Variants in HTR2A observed in about 807,000 individuals in gnomAD.
HTR2A encodes 5-HT2 receptor.
Under a neutral mutation model 31.0 loss-of-function variants are expected in HTR2A, and 14 were observed. The ratio of observed to expected loss-of-function variants is 0.45; its 90% CI spans 0.30 to 0.71. The LOEUF is 0.71. Ranked by LOEUF, HTR2A falls within the 30% of genes least tolerant of loss-of-function variation. The probability of loss-of-function intolerance (pLI) is 0.09; values close to 1 mark genes in which losing one functional copy is unlikely to be tolerated. For synonymous variants in HTR2A, 209 were observed against 225.2 expected (o/e 0.93, Z 0.64); for missense variants, 442 against 573.3 (o/e 0.77, Z 2.34).
At chr13:46,865,712 G>T (rs565825312) in intron 3 of HTR2A, among the ~76,000 whole-genome samples, 1 of 152,340 alleles carries the variant, frequency 6.6e-6, no homozygotes, top group Admixed American at 6.5e-5. Flanking sequence ...AAATAAAAAT[G>T]AAATGGCAAT....
chr13:46,869,285 G>A (rs1298995112), intron 3 of HTR2A, among the ~76,000 whole-genome samples: 1 of 152,050 alleles, frequency 6.6e-6, no homozygotes, highest in East Asian at 1.9e-4. Context: ...TTTGAATAGG[G>A]ATTTCTTCAA....
At chr13:46,893,258 G>A (rs1183583379) in intron 2 of HTR2A, among the ~76,000 whole-genome samples, 2 of 152,202 alleles carry the variant, frequency 1.3e-5, no homozygotes, top group Non-Finnish European at 2.9e-5. Flanking sequence ...CTTTGTTTTA[G>A]GGAGGCATTT....
intron 3 of HTR2A, among the ~76,000 whole-genome samples, chr13:46,882,274 C>A (rs547465981): frequency 5.3e-5 from 8 of 150,968 alleles, no homozygotes; most frequent in Non-Finnish European, 1.2e-4. Flanking sequence ...TAAAAAAATC[C>A]TTAATTAAAA....
At chr13:46,856,228 C>A (rs1241986934) in intron 3 of HTR2A, 2 of 152,136 alleles carry the variant, frequency 1.3e-5, no homozygotes, top group African/African-American at 4.8e-5. Flanking sequence ...AAAACAATCC[C>A]TCGTAGATTT....
At chr13:46,875,483 T>C (rs935648798) in intron 3 of HTR2A, among the ~76,000 whole-genome samples, 3 of 152,184 alleles carry the variant, frequency 2.0e-5, no homozygotes, top group African/African-American at 4.8e-5. Flanking sequence ...AAATCAGTTA[T>C]TAATAATTAA....
At chr13:46,893,954 T>C (rs1226417450) in intron 2 of HTR2A, among the ~76,000 whole-genome samples, 1 of 152,214 alleles carries the variant, frequency 6.6e-6, no homozygotes, top group African/African-American at 2.4e-5. Context: ...TCACATGTAT[T>C]ATTTGCAAAG....
intron 3 of HTR2A, among the ~76,000 whole-genome samples, chr13:46,848,528 A>T (rs1393187111): frequency 1.3e-5 from 2 of 152,332 alleles, no homozygotes; most frequent in Non-Finnish European, 2.9e-5. Context: ...CCACAATGCA[A>T]CAGACACTAT....
At chr13:46,844,305 T>G (rs1472165350) in intron 3 of HTR2A, among the ~76,000 whole-genome samples, 1 of 152,214 alleles carries the variant, frequency 6.6e-6, no homozygotes, top group Non-Finnish European at 1.5e-5. Flanking sequence ...TTGGGAATTA[T>G]AATACACTTT....
intron 3 of HTR2A, among the ~76,000 whole-genome samples, chr13:46,873,554 G>A (rs931131237): frequency 4.0e-5 from 6 of 151,364 alleles, no homozygotes; most frequent in South Asian, 2.1e-4. Flanking sequence ...CCATTAACTC[G>A]TCATTTACAT....
At chr13:46,855,065 C>A (rs970005444) in intron 3 of HTR2A, among the ~76,000 whole-genome samples, 5 of 152,108 alleles carry the variant, frequency 3.3e-5, no homozygotes, top group African/African-American at 1.2e-4. Context: ...TGACTAATGT[C>A]CCCCCAGAGC....
chr13:46,867,398 AG>A (rs1950826258), intron 3 of HTR2A, among the ~76,000 whole-genome samples: 1 of 152,196 alleles, frequency 6.6e-6, no homozygotes, highest in Admixed American at 6.5e-5. Flanking sequence ...AAAGCATCTC[AG>A]GAAAGGGATC....
At chr13:46,858,422 T>A (rs906508322) in intron 3 of HTR2A, among the ~76,000 whole-genome samples, 1 of 151,946 alleles carries the variant, frequency 6.6e-6, no homozygotes, top group Non-Finnish European at 1.5e-5. Flanking sequence ...TTACATGCCA[T>A]GAGGAATTGC....
At chr13:46,868,168 G>A (rs1950833700) in intron 3 of HTR2A, among the ~76,000 whole-genome samples, 2 of 152,152 alleles carry the variant, frequency 1.3e-5, no homozygotes, top group Admixed American at 1.3e-4. Flanking sequence ...TCCCTAGAAA[G>A]GTCAGACTTC....
chr13:46,844,494 T>A (rs117448873), intron 3 of HTR2A, among the ~76,000 whole-genome samples: 59 of 152,296 alleles, frequency 3.9e-4, no homozygotes, highest in Non-Finnish European at 6.8e-4. Context: ...GAGGCACATA[T>A]AGGATTAACC....
Position 46,895,442 on chromosome 13 carries a change from C to T in HTR2A, c.412+53G>A, listed in dbSNP as rs1951093467. ...CCCCATCTCATCTGCTGGTGGCATG[C>T]ACATGCTCTTTATTACCAGTGCGAA... On this transcript the variant is annotated intron_variant, in intron 2 of 3. Transcript: ENST00000542664. The surrounding 1 kb of genome is among the most constrained non-coding windows in gnomAD (Gnocchi z 4.4). 2 of 1,550,738 alleles carry T rather than the reference C, an allele frequency of 1.3e-6. No individual in the cohort carries two copies. Among genetic ancestry groups the T allele is most frequent in the Non-Finnish European group, 1.8e-6 (2 of 1,139,892 alleles).
At position 46,874,235 on chromosome 13, in the gene HTR2A, A is replaced by G. The variant is rs188918041; in HGVS notation, c.613+18155T>C. ...CATGGAAACAGACATCAAATCTGAA[A>G]ATACTGAAAAAGCTACTATGGGGAT... On this transcript the variant is annotated intron_variant, in intron 3 of 3. Coordinates refer to ENST00000542664, the MANE Select transcript of HTR2A (RefSeq NM_000621.5). Among the ~76,000 whole-genome samples the G allele has an allele frequency of 1.4e-3, 206 of 152,288 alleles. 2 individuals carry two copies. Among genetic ancestry groups the G allele is most frequent in the African/African-American group, 4.2e-3 (173 of 41,560 alleles).
In HTR2A at chr13:46,896,050, C is replaced by G. The variant is rs1951101749; in HGVS notation, c.-144G>C. 3 of 1,405,984 alleles carry G rather than the reference C, an allele frequency of 2.1e-6. No individual in the cohort carries two copies. The East Asian group carries it at 7.7e-5, about 36-fold the overall frequency. 87.1% of individuals were successfully genotyped at this position (1,405,984 alleles called of 1,614,324 possible). On this transcript the variant is annotated 5_prime_UTR_variant, in exon 2 of 4. Coordinates refer to ENST00000542664, the MANE Select transcript of HTR2A (RefSeq NM_000621.5). ...TCTCCCGGGGCTGGATTTTTGTCTT[C>G]CATTATTACAATGATAGTTAAAGAA...
intron 2 of HTR2A, among the ~76,000 whole-genome samples, chr13:46,894,171 G>A (rs936478328): frequency 4.6e-5 from 7 of 152,152 alleles, no homozygotes; most frequent in Non-Finnish European, 8.8e-5. Context: ...GGCTGGGGGA[G>A]GCTGGAGGAG....
chr13:46,852,756 T>A (rs1435161119), intron 3 of HTR2A, among the ~76,000 whole-genome samples: 10 of 152,258 alleles, frequency 6.6e-5, no homozygotes, highest in Non-Finnish European at 1.5e-4. Context: ...ATGGGTGTAA[T>A]GAACTTTTGT....
Sources: allele counts gnomAD v4.1 joint callset (sites outside exome capture counted in the v4.1 genomes callset), GRCh38; gene constraint gnomAD v4.1.1; non-coding constraint Gnocchi (gnomAD v3.1); transcripts MANE v1.5; gene names NCBI Gene and HGNC (gene_info 2026-07-23, HGNC 2026-07-21).